FNDC3A: variants seen among roughly 807,000 people sequenced by gnomAD.
FNDC3A encodes the protein fibronectin type-III domain-containing protein 3A.
FNDC3A carries 32 observed loss-of-function variants against 148.9 expected under a neutral mutation model. The observed-to-expected ratio is 0.21, with a 90% CI of 0.16 to 0.29. FNDC3A has a LOEUF of 0.29. Among genes scored for constraint, FNDC3A ranks in the 10% least tolerant of loss-of-function variants. FNDC3A has a pLI of 1.00. For missense variants in FNDC3A, 1,191 were observed against 1,452.8 expected (o/e 0.82, Z 2.93); for synonymous variants, 472 against 473.6 (o/e 1.00, Z 0.04).
At chr13:49,063,569 A>T (rs953438435) in intron 2 of FNDC3A, among the ~76,000 whole-genome samples, 1 of 152,264 alleles carries the variant, frequency 6.6e-6, no homozygotes, top group Non-Finnish European at 1.5e-5. Flanking sequence ...ATTGTTTCCA[A>T]GAAATTACAT....
At chr13:49,196,302 C>T (rs967242894) in intron 19 of FNDC3A, among the ~76,000 whole-genome samples, 1 of 151,828 alleles carries the variant, frequency 6.6e-6, no homozygotes, top group Non-Finnish European at 1.5e-5. Flanking sequence ...TCCTATGTGT[C>T]GGGGAAGGAA....
intron 2 of FNDC3A, among the ~76,000 whole-genome samples, chr13:49,041,511 T>C (rs1342337136): frequency 6.6e-6 from 1 of 152,158 alleles, no homozygotes; most frequent in Non-Finnish European, 1.5e-5. Flanking sequence ...AACGAAAGTT[T>C]ATTGAAAACC....
chr13:49,130,372 T>G (rs1264656700), intron 4 of FNDC3A, among the ~76,000 whole-genome samples: 2 of 152,176 alleles, frequency 1.3e-5, no homozygotes, highest in Admixed American at 1.3e-4. Flanking sequence ...CATAAGAATT[T>G]TACATCCAAA....
At position 49,093,793 on chromosome 13, in the gene FNDC3A, A is replaced by G. The variant is rs76548502; in HGVS notation, c.175+18429A>G. ...CTGAAACCAAATTATTATACCAAAT[A>G]CTCTACTCATAAATTTATCTTTGAA... On this transcript the variant is annotated intron_variant, in intron 3 of 25. Coordinates refer to ENST00000492622, the MANE Select transcript of FNDC3A (RefSeq NM_001079673.2). 6.4e-3 allele frequency among the ~76,000 whole-genome samples: 969 copies of G among 152,228 alleles called. 16 individuals are homozygous for G. The highest frequency in any genetic ancestry group is 0.022 in the African/African-American group (907 of 41,536).
intron 2 of FNDC3A, among the ~76,000 whole-genome samples, chr13:49,037,233 T>C (rs1303640505): frequency 6.6e-6 from 1 of 152,240 alleles, no homozygotes; most frequent in Non-Finnish European, 1.5e-5. Context: ...TAGATAGTGC[T>C]TACTATATGC....
intron 8 of FNDC3A, among the ~76,000 whole-genome samples, chr13:49,147,929 T>G (rs1418235246): frequency 1.3e-5 from 2 of 152,196 alleles, no homozygotes; most frequent in Non-Finnish European, 2.9e-5. Flanking sequence ...CCATTCTAAC[T>G]AGGGTAAAAT....
chr13:49,166,332 C>T (rs1405652148), intron 8 of FNDC3A, among the ~76,000 whole-genome samples: 2 of 152,182 alleles, frequency 1.3e-5, no homozygotes, highest in African/African-American at 4.8e-5. Flanking sequence ...GCCAGTGGCT[C>T]AGGCTTTAGT....
At chr13:49,186,552 A>T (rs1018703315) in intron 15 of FNDC3A, among the ~76,000 whole-genome samples, 2 of 152,262 alleles carry the variant, frequency 1.3e-5, no homozygotes, top group East Asian at 3.8e-4. Context: ...ATATTCAAAA[A>T]TTTCAAACAA....
chr13:49,192,994 G>A (rs910014028), intron 19 of FNDC3A, among the ~76,000 whole-genome samples: 3 of 152,028 alleles, frequency 2.0e-5, no homozygotes, highest in African/African-American at 7.2e-5. Flanking sequence ...AATTAACCTT[G>A]TTCAAAAAAG....
chr13:49,040,163 A>G (rs925622347), intron 2 of FNDC3A, among the ~76,000 whole-genome samples: 1 of 152,210 alleles, frequency 6.6e-6, no homozygotes, highest in African/African-American at 2.4e-5. Flanking sequence ...CGCCTTACCA[A>G]AGACATGTTT....
intron 2 of FNDC3A, among the ~76,000 whole-genome samples, chr13:49,042,023 G>T (rs2137688157): frequency 6.6e-6 from 1 of 151,650 alleles, no homozygotes; most frequent in East Asian, 1.9e-4. Flanking sequence ...ATATGTGAGG[G>T]GTATATATAC....
At chr13:49,074,728 CA>C (rs370497190) in intron 2 of FNDC3A, among the ~76,000 whole-genome samples, 23 of 152,166 alleles carry the variant, frequency 1.5e-4, no homozygotes, top group African/African-American at 5.3e-4. Context: ...AGAATGTTAA[CA>C]ATGTGTATCT....
At chr13:49,004,825 G>C (rs1211812034) in intron 1 of FNDC3A, among the ~76,000 whole-genome samples, 1 of 151,648 alleles carries the variant, frequency 6.6e-6, no homozygotes, top group Non-Finnish European at 1.5e-5. Flanking sequence ...TAGCTTCCTG[G>C]AAATGTTTCT....
At chr13:49,153,967 TG>T (rs1883487544) in intron 8 of FNDC3A, among the ~76,000 whole-genome samples, 3 of 135,970 alleles carry the variant, frequency 2.2e-5, no homozygotes. Context: ...CCTCCAGCTT[TG>T]TTCTTTTGGC....
chr13:49,018,885 C>A (rs1381860511), intron 2 of FNDC3A, among the ~76,000 whole-genome samples: 1 of 152,202 alleles, frequency 6.6e-6, no homozygotes, highest in Non-Finnish European at 1.5e-5. Flanking sequence ...TCTGCCCCTG[C>A]TGGGGGTGCC....
chr13:49,021,660 C>A (rs1873335321), intron 2 of FNDC3A, among the ~76,000 whole-genome samples: 1 of 152,190 alleles, frequency 6.6e-6, no homozygotes, highest in African/African-American at 2.4e-5. Flanking sequence ...TTTCCCTGAA[C>A]ATACTGTTGC....
At chr13:49,078,834 G>A (rs987814194) in intron 3 of FNDC3A, among the ~76,000 whole-genome samples, 1 of 152,116 alleles carries the variant, frequency 6.6e-6, no homozygotes, top group African/African-American at 2.4e-5. Flanking sequence ...AGAAATTAAG[G>A]GAAGAAAATC....
At chr13:49,060,832 C>T (rs545338269) in intron 2 of FNDC3A, among the ~76,000 whole-genome samples, 1 of 151,712 alleles carries the variant, frequency 6.6e-6, no homozygotes, top group South Asian at 2.1e-4. Context: ...ACCAGGGGCT[C>T]GGAATAGGGT....
chr13:49,079,753 G>GA (rs149222840), intron 3 of FNDC3A, among the ~76,000 whole-genome samples: 2,846 of 151,652 alleles, frequency 0.019, 92 homozygotes, highest in African/African-American at 0.064. Context: ...CTATAAAAAG[G>GA]AAAAAAAAGG....
Sources: allele counts gnomAD v4.1 joint callset (sites outside exome capture counted in the v4.1 genomes callset), GRCh38; gene constraint gnomAD v4.1.1; transcripts MANE v1.5; gene names NCBI Gene and HGNC (gene_info 2026-07-23, HGNC 2026-07-21).